The following EDEM3 variants were observed in gnomAD, a reference collection of about 807,000 sequenced individuals.
EDEM3 encodes the protein ER degradation-enhancing alpha-mannosidase-like protein 3.
Under a neutral mutation model 110.2 loss-of-function variants are expected in EDEM3, and 60 were observed. The ratio of observed to expected loss-of-function variants is 0.54; its 90% CI spans 0.44 to 0.67. The LOEUF (loss-of-function observed/expected upper bound fraction) is 0.67. Ranked by LOEUF, EDEM3 falls within the 30% of genes least tolerant of loss-of-function variation. The pLI is 0.00. For synonymous variants in EDEM3, 352 were observed against 382.9 expected (o/e 0.92, Z 0.94); for missense variants, 996 against 1,121.0 (o/e 0.89, Z 1.59).
intron 2 of EDEM3, among the ~76,000 whole-genome samples, chr1:184,747,765 G>T (rs970012166): frequency 2.0e-5 from 3 of 152,182 alleles, no homozygotes; most frequent in African/African-American, 7.2e-5. Flanking sequence ...TCTGAAAGCT[G>T]CCCTCAGTAC....
At chr1:184,704,283 T>C (rs1363825403) in intron 18 of EDEM3, among the ~76,000 whole-genome samples, 1 of 152,082 alleles carries the variant, frequency 6.6e-6, no homozygotes, top group African/African-American at 2.4e-5. Flanking sequence ...TATATACAAT[T>C]AAAACAAAAA....
At position 184,691,501 on chromosome 1, in the gene EDEM3, A is replaced by G. The variant is rs930904380; in HGVS notation, c.*2562T>C. ...TGGTGATCACTTCAGCTATATTTCT[A>G]AGCAGTCAACATTTAACTGAGGTAG... On this transcript the variant is annotated 3_prime_UTR_variant, in exon 20 of 20. Coordinates refer to ENST00000318130, the MANE Select transcript of EDEM3 (RefSeq NM_025191.4). The G allele has an allele frequency of 2.6e-5, 4 of 152,448 alleles. No homozygotes were observed. The highest frequency in any genetic ancestry group is 4.4e-5 in the Non-Finnish European group (3 of 67,968). The allele number at this position is 152,448 out of a possible 1,614,324, so 9.4% of individuals were successfully genotyped here.
chr1:184,736,932 C>T, intron 4 of EDEM3, 93 bp downstream of exon 4: 1 of 1,028,914 alleles, frequency 9.7e-7, no homozygotes, highest in African/African-American at 1.6e-5. Context: ...ATTCTGAAGG[C>T]TTCTATTTCA....
intron 18 of EDEM3, 68 bp downstream of exon 18, chr1:184,706,575 A>C (rs1649939067): frequency 7.1e-7 from 1 of 1,407,342 alleles, no homozygotes; most frequent in Admixed American, 2.4e-5. Flanking sequence ...ATTTTAGAAA[A>C]TAAAAGGGAA....
chr1:184,721,612 T>C (rs973915458), intron 8 of EDEM3, among the ~76,000 whole-genome samples: 2 of 152,016 alleles, frequency 1.3e-5, no homozygotes, highest in Non-Finnish European at 2.9e-5. Flanking sequence ...AATAAGCATC[T>C]TGTGTTCTTT....
intron 5 of EDEM3, 43 bp downstream of exon 5, chr1:184,734,488 A>G: frequency 1.3e-6 from 1 of 794,814 alleles, no homozygotes; most frequent in Non-Finnish European, 1.7e-6. Flanking sequence ...ATAAATAAAT[A>G]AAAATAAAAT....
Position 184,754,610 on chromosome 1 carries a change from C to T in EDEM3, c.37G>A (p.Val13Ile). ...EAGGRGCGSP[V>I]PQRARWRLVA... ...AGTCTCCATCGCGCTCGCTGGGGAA[C>T]CGGGGACCCACAGCCCCGGCCGCCG... The change falls in exon 1 of 20, where the codon GTT becomes ATT. Residue 13 changes from valine to isoleucine, a missense_variant. By Grantham distance (29) the Val-to-Ile change is conservative. This residue lies in a region of EDEM3 where 200 missense variants were observed against 183.8 expected (regional missense o/e 1.09). Coordinates refer to ENST00000318130, the MANE Select transcript of EDEM3 (RefSeq NM_025191.4). The T allele has an allele frequency of 6.2e-7, 1 of 1,607,010 alleles. No individual in the cohort carries two copies. Among genetic ancestry groups the T allele is most frequent in the Admixed American group, 1.7e-5 (1 of 59,088 alleles).
rs139668178 is a variant in EDEM3, at chr1:184,726,900, G to A, written c.613-511C>T. On this transcript the variant is annotated intron_variant, in intron 6 of 19. Coordinates refer to ENST00000318130, the MANE Select transcript of EDEM3 (RefSeq NM_025191.4). The stretch of plus-strand genomic sequence containing the variant: ...AAAGGAAATTAAAATTTCATTTACG[G>A]GTTTTAAGAGTTTGGAAATATAGAG... Among the ~76,000 whole-genome samples, 10 of 152,310 alleles carry A rather than the reference G, an allele frequency of 6.6e-5. 1 individual carries two copies. The East Asian group carries it at 1.9e-3, about 29-fold the overall frequency.
intron 6 of EDEM3, among the ~76,000 whole-genome samples, chr1:184,730,356 AG>A (rs112751627): frequency 0.015 from 2,335 of 152,310 alleles, 56 homozygotes; most frequent in African/African-American, 0.053. Context: ...CCAAGGTGGG[AG>A]GATCTCTTAA....
intron 7 of EDEM3, 51 bp downstream of exon 7, chr1:184,726,204 A>G (rs752685250): frequency 3.2e-6 from 5 of 1,583,210 alleles, no homozygotes; most frequent in South Asian, 1.2e-5. Flanking sequence ...AAGAAGATAT[A>G]AAGGTAGTTA....
At chr1:184,752,716 T>C (rs192061586) in intron 1 of EDEM3, among the ~76,000 whole-genome samples, 3 of 152,362 alleles carry the variant, frequency 2.0e-5, no homozygotes, top group East Asian at 3.9e-4. Flanking sequence ...CTTAACAGAC[T>C]TGATACTTCT....
intron 19 of EDEM3, among the ~76,000 whole-genome samples, chr1:184,697,129 AC>A (rs1198157625): frequency 6.6e-6 from 1 of 151,840 alleles, no homozygotes; most frequent in Non-Finnish European, 1.5e-5. Context: ...TAATCATTAA[AC>A]CTTTTCATAA....
chr1:184,749,364 C>T (rs1193552410), intron 2 of EDEM3, among the ~76,000 whole-genome samples, 183 bp downstream of exon 2: 1 of 152,064 alleles, frequency 6.6e-6, no homozygotes, highest in Non-Finnish European at 1.5e-5. Flanking sequence ...TCAATTTATT[C>T]TTATCTGTTC....
chr1:184,727,866 T>G (rs1651275995), intron 6 of EDEM3, among the ~76,000 whole-genome samples: 1 of 152,282 alleles, frequency 6.6e-6, no homozygotes, highest in South Asian at 2.1e-4. Flanking sequence ...AAGTATCTCC[T>G]GCCCCCTTAT....
intron 13 of EDEM3, among the ~76,000 whole-genome samples, chr1:184,716,004 T>A (rs1042853375): frequency 6.6e-6 from 1 of 152,170 alleles, no homozygotes; most frequent in African/African-American, 2.4e-5. Context: ...TTCTTTTACA[T>A]CTTTCTTCTT....
chr1:184,712,622 A>AT, intron 13 of EDEM3, 24 bp from the exon 14 acceptor site: 1 of 1,425,088 alleles, frequency 7.0e-7, no homozygotes, highest in Non-Finnish European at 9.5e-7. Context: ...TCACAAATAA[A>AT]TATAAGTAGA....
chr1:184,717,662 TTAAA>T (rs964653493), intron 11 of EDEM3, 39 bp from the exon 12 acceptor site: 30 of 1,502,544 alleles, frequency 2.0e-5, no homozygotes, highest in Non-Finnish European at 2.6e-5. Flanking sequence ...AAAAATGTGA[TTAAA>T]TACACAAGTA....
chr1:184,717,256 C>CAAGAGACA (rs1325722671), intron 12 of EDEM3, among the ~76,000 whole-genome samples: 1 of 151,984 alleles, frequency 6.6e-6, no homozygotes, highest in Admixed American at 6.6e-5. Flanking sequence ...CTCAGAAAGG[C>CAAGAGACA]TGCCTGAAGA....
chr1:184,721,227 T>G, intron 9 of EDEM3, 62 bp downstream of exon 9: 1 of 1,279,054 alleles, frequency 7.8e-7, no homozygotes, highest in Non-Finnish European at 1.1e-6. Context: ...GGTAATGGAG[T>G]TTCTATAAAA....
Sources: allele counts gnomAD v4.1 joint callset (sites outside exome capture counted in the v4.1 genomes callset), GRCh38; gene constraint gnomAD v4.1.1; regional missense constraint gnomAD v4.1.1; transcripts MANE v1.5; gene names NCBI Gene and HGNC (gene_info 2026-07-23, HGNC 2026-07-21).